The following KAT2B variants were observed in gnomAD, a reference collection of about 807,000 sequenced individuals.
KAT2B encodes lysine acetyltransferase 2B.
A neutral mutation model predicts 105.9 loss-of-function variants in KAT2B; 36 were observed. The ratio of observed to expected loss-of-function variants is 0.34; its 90% confidence interval spans 0.26 to 0.45. The LOEUF (loss-of-function observed/expected upper bound fraction) is 0.45. KAT2B is among the 20% of genes least tolerant of loss of function. The probability of loss-of-function intolerance (pLI) is 1.00; values close to 1 mark genes in which losing one functional copy is unlikely to be tolerated. For synonymous variants in KAT2B, 397 were observed against 377.9 expected (o/e 1.05, Z -0.59); for missense variants, 820 against 1,021.6 (o/e 0.80, Z 2.69).
In KAT2B at chr3:20,067,159, G is replaced by T. The variant is rs148559438; in HGVS notation, c.304-5174G>T. Among the ~76,000 whole-genome samples, 340 of 152,230 alleles carry T rather than the reference G, an allele frequency of 2.2e-3. 3 individuals carry two copies. Among genetic ancestry groups the T allele is most frequent in the South Asian group, 0.013 (61 of 4,832 alleles). ...AACAAAAGAAATAAAAATATACTTT[G>T]TACTGGGATCCCAAGACTCAGTGGA... On this transcript the variant is annotated intron_variant, in intron 1 of 17. Transcript: ENST00000263754.
intron 3 of KAT2B, among the ~76,000 whole-genome samples, chr3:20,099,555 G>A (rs1414741940): frequency 2.0e-5 from 3 of 152,164 alleles, no homozygotes; most frequent in Non-Finnish European, 4.4e-5. Context: ...TGCATGGGAC[G>A]GTGGTGTCTG....
intron 1 of KAT2B, among the ~76,000 whole-genome samples, chr3:20,052,918 G>A (rs1697940468): frequency 6.6e-6 from 1 of 152,232 alleles, no homozygotes; most frequent in African/African-American, 2.4e-5. Context: ...GGAGGTTGCG[G>A]TGAGCTGAGA....
At chr3:20,090,147 A>C (rs1698691625) in intron 2 of KAT2B, among the ~76,000 whole-genome samples, 1 of 152,212 alleles carries the variant, frequency 6.6e-6, no homozygotes, top group Admixed American at 6.5e-5. Flanking sequence ...TGTTATCTGC[A>C]GAGACAATTT....
chr3:20,110,878 G>A (rs1315780189), intron 5 of KAT2B, among the ~76,000 whole-genome samples: 1 of 151,938 alleles, frequency 6.6e-6, no homozygotes, highest in Non-Finnish European at 1.5e-5. Context: ...GTGCAGTGAT[G>A]CTGAGGTGCA....
chr3:20,044,517 T>C (rs906357171), intron 1 of KAT2B, among the ~76,000 whole-genome samples: 1 of 152,182 alleles, frequency 6.6e-6, no homozygotes, highest in African/African-American at 2.4e-5. Context: ...CACAAGGCCC[T>C]GCATGGCCTG....
rs1281219869 is a variant in KAT2B at position 20,154,106 on chromosome 3, G to GT, written c.*1582dup. ...TTGGACTGGTTTTAAACAGTGCTTT[G>GT]TACCGGATCTGCTGAAGCATCTGTC... On this transcript the variant is annotated 3_prime_UTR_variant, in exon 18 of 18. Transcript: ENST00000263754. 2 of 152,606 alleles carry GT rather than the reference G, an allele frequency of 1.3e-5. No homozygotes were observed. The highest frequency in any genetic ancestry group is 4.8e-5 in the African/African-American group (2 of 41,456). The allele number at this position is 152,606 out of a possible 1,614,324, so 9.5% of individuals were successfully genotyped here. A position where few individuals can be genotyped will look rare whatever the true frequency, so the allele number is the denominator to read the frequency against.
intron 11 of KAT2B, among the ~76,000 whole-genome samples, chr3:20,130,856 TG>T (rs1486827154): frequency 1.3e-5 from 2 of 149,196 alleles, no homozygotes; most frequent in East Asian, 4.0e-4. Flanking sequence ...ATGAGTTTAG[TG>T]TGTGTGTGTG....
At chr3:20,095,692 T>C (rs1272346505) in intron 3 of KAT2B, among the ~76,000 whole-genome samples, 1 of 152,238 alleles carries the variant, frequency 6.6e-6, no homozygotes, top group East Asian at 1.9e-4. Context: ...ATTGCACATC[T>C]GTTCTGCATG....
At chr3:20,062,256 TATG>T (rs1326225863) in intron 1 of KAT2B, among the ~76,000 whole-genome samples, 1 of 25,024 alleles carries the variant, frequency 4.0e-5, no homozygotes, top group Non-Finnish European at 6.6e-5. Flanking sequence ...ATATATAAAA[TATG>T]ATATATAATA....
At position 20,152,316 on chromosome 3, in the gene KAT2B, T is replaced by C; in HGVS notation, c.2306-16T>C. 6.3e-7 allele frequency: 1 copy of C among 1,597,168 alleles called. No homozygotes were observed. Among genetic ancestry groups the C allele is most frequent in the African/African-American group, 1.3e-5 (1 of 74,528 alleles). ...AAGGGAGTCAAAGATTGCTAATATT[T>C]TTTTTTCCTGTGCAGATCTGAAAAC... On this transcript the variant is annotated splice_polypyrimidine_tract_variant and intron_variant, in intron 17 of 17. Transcript: ENST00000263754.
chr3:20,078,786 T>C (rs906595577), intron 2 of KAT2B, among the ~76,000 whole-genome samples: 3 of 151,632 alleles, frequency 2.0e-5, no homozygotes, highest in African/African-American at 7.3e-5. Flanking sequence ...TTGTTTACAG[T>C]AGGGAATTTC....
intron 6 of KAT2B, among the ~76,000 whole-genome samples, chr3:20,113,620 AT>A (rs1041277786): frequency 2.6e-5 from 4 of 152,130 alleles, no homozygotes; most frequent in Non-Finnish European, 5.9e-5. Flanking sequence ...ATTTAAGGCT[AT>A]TGGGGATTTA....
chr3:20,088,754 C>G (rs1019677596), intron 2 of KAT2B, among the ~76,000 whole-genome samples: 15 of 152,088 alleles, frequency 9.9e-5, no homozygotes, highest in Non-Finnish European at 1.5e-5. Flanking sequence ...TTGATGCAAT[C>G]CAGTTTGTCT....
At chr3:20,066,646 C>T (rs1241064580) in intron 1 of KAT2B, among the ~76,000 whole-genome samples, 1 of 151,762 alleles carries the variant, frequency 6.6e-6, no homozygotes, top group Non-Finnish European at 1.5e-5. Context: ...TGTGATCCTC[C>T]CACCTCGGCA....
chr3:20,112,992 G>A (rs1284677387), intron 6 of KAT2B, among the ~76,000 whole-genome samples: 1 of 152,096 alleles, frequency 6.6e-6, no homozygotes, highest in East Asian at 1.9e-4. Context: ...AATTCTGATG[G>A]GCTTTGGCCA....
intron 1 of KAT2B, among the ~76,000 whole-genome samples, chr3:20,065,559 A>G (rs1313826015): frequency 6.8e-6 from 1 of 147,316 alleles, no homozygotes; most frequent in Non-Finnish European, 1.5e-5. Context: ...GTCAAGGATA[A>G]GAGCATTGAC....
At chr3:20,088,388 G>A (rs1423519920) in intron 2 of KAT2B, among the ~76,000 whole-genome samples, 1 of 152,102 alleles carries the variant, frequency 6.6e-6, no homozygotes, top group Non-Finnish European at 1.5e-5. Flanking sequence ...GTGTGCAAGG[G>A]TTCCTTGTCC....
chr3:20,124,686 G>A (rs1699368330), intron 9 of KAT2B, among the ~76,000 whole-genome samples: 1 of 152,198 alleles, frequency 6.6e-6, no homozygotes, highest in South Asian at 2.1e-4. Flanking sequence ...TTAATATTTA[G>A]TAGTGTACTA....
chr3:20,114,865 A>T lies in KAT2B; in HGVS notation c.1044-17A>T. 1 of 1,401,986 alleles carries T rather than the reference A, an allele frequency of 7.1e-7. No individual in the cohort carries two copies. Among genetic ancestry groups the T allele is most frequent in the Non-Finnish European group, 1.0e-6 (1 of 992,356 alleles). 86.8% of individuals were successfully genotyped at this position (1,401,986 alleles called of 1,614,324 possible). On this transcript the variant is annotated splice_polypyrimidine_tract_variant and intron_variant, in intron 6 of 17. Coordinates refer to ENST00000263754, the MANE Select transcript of KAT2B (RefSeq NM_003884.5). ...GTAGTTTTTTTTTAATCTTATTGCT[A>T]TTACTCTTGTGTCTAGATTTCTGTC... is the stretch of plus-strand genomic sequence containing the variant.
Sources: allele counts gnomAD v4.1 joint callset (sites outside exome capture counted in the v4.1 genomes callset), GRCh38; gene constraint gnomAD v4.1.1; transcripts MANE v1.5; gene names NCBI Gene and HGNC (gene_info 2026-07-23, HGNC 2026-07-21).